LAMA2: variants seen among roughly 807,000 people sequenced by gnomAD.
LAMA2 encodes laminin subunit alpha-2.
Under a neutral mutation model 364.8 loss-of-function variants are expected in LAMA2, and 269 were observed. That is an observed-to-expected ratio of 0.74 (90% CI 0.67 to 0.82). The LOEUF (loss-of-function observed/expected upper bound fraction) is 0.82. Ranked by LOEUF, LAMA2 falls within the 40% of genes least tolerant of loss-of-function variation. The probability of loss-of-function intolerance (pLI) is 0.00; values close to 1 mark genes in which losing one functional copy is unlikely to be tolerated. For synonymous variants in LAMA2, 1,379 were observed against 1,370.6 expected (o/e 1.01, Z -0.14); for missense variants, 3,807 against 3,873.2 (o/e 0.98, Z 0.45).
At chr6:129,438,784 A>C in intron 42 of LAMA2, 22 bp downstream of exon 42, 1 of 1,189,478 alleles carries the variant, frequency 8.4e-7, no homozygotes, top group Non-Finnish European at 1.3e-6. Context: ...GGACACTACC[A>C]ACTGTGTCAG....
At chr6:129,106,760 C>T (rs7754666) in intron 4 of LAMA2, among the ~76,000 whole-genome samples, 144,897 of 151,386 alleles carry the variant, frequency 0.96, 69,665 homozygotes, top group East Asian at 1. Flanking sequence ...TTTATTGTTA[C>T]ATTTTAAAAA....
intron 3 of LAMA2, among the ~76,000 whole-genome samples, chr6:129,081,276 G>A (rs1229392523): frequency 6.6e-6 from 1 of 151,982 alleles, no homozygotes; most frequent in East Asian, 1.9e-4. Flanking sequence ...ATAGCATTAG[G>A]AGATACACCT....
chr6:128,964,278 G>T (rs1223509208), intron 1 of LAMA2, among the ~76,000 whole-genome samples: 2 of 152,052 alleles, frequency 1.3e-5, no homozygotes, highest in African/African-American at 2.4e-5. Context: ...TGAACTGGCT[G>T]TATTTTCCGA....
intron 22 of LAMA2, among the ~76,000 whole-genome samples, chr6:129,304,914 C>A (rs1397020583): frequency 6.6e-6 from 1 of 152,122 alleles, no homozygotes; most frequent in African/African-American, 2.4e-5. Context: ...TTTATTATAA[C>A]ATGTGCACTT....
chr6:129,168,526 C>G (rs1779911778), intron 9 of LAMA2, among the ~76,000 whole-genome samples: 2 of 151,608 alleles, frequency 1.3e-5, no homozygotes, highest in South Asian at 2.1e-4. Flanking sequence ...TGATCTATAT[C>G]TCTGTTTTGG....
rs147198798 is a variant in LAMA2 at position 129,282,682 on chromosome 6, A to G, written c.2537+2535A>G. ...TAATTACCTTTCCTTTCAGGTCTAGAAAGTCTCTCAACTACTTTCATTCCA... is the reference window on the plus strand; with the variant it reads ...TAATTACCTTTCCTTTCAGGTCTAGGAAGTCTCTCAACTACTTTCATTCCA... On this transcript the variant is annotated intron_variant, in intron 18 of 64. Transcript: ENST00000421865. 7.9e-5 allele frequency among the ~76,000 whole-genome samples: 12 copies of G among 152,270 alleles called. No homozygotes were observed. The East Asian group carries it at 2.3e-3, about 29-fold the overall frequency.
At chr6:129,393,321 AT>A in intron 37 of LAMA2, 66 bp downstream of exon 37, 1 of 1,170,706 alleles carries the variant, frequency 8.5e-7, no homozygotes, top group South Asian at 1.2e-5. Context: ...AGTGTTGAAC[AT>A]GGCTGGACTA....
At chr6:129,004,265 A>T (rs1296189798) in intron 1 of LAMA2, among the ~76,000 whole-genome samples, 1 of 47,972 alleles carries the variant, frequency 2.1e-5, no homozygotes, top group Non-Finnish European at 3.6e-5. Context: ...GGGTCGGGGG[A>T]GGGGGGAGGG....
chr6:129,287,470 A>G (rs925400812), intron 18 of LAMA2, among the ~76,000 whole-genome samples: 8 of 152,292 alleles, frequency 5.3e-5, no homozygotes, highest in Admixed American at 2.0e-4. Context: ...TGAACCTTAC[A>G]TATTTGTAGA....
chr6:129,106,753 A>G (rs1440685665), intron 4 of LAMA2, among the ~76,000 whole-genome samples: 1 of 151,624 alleles, frequency 6.6e-6, no homozygotes, highest in Non-Finnish European at 1.5e-5. Context: ...AAGGTAATTT[A>G]TTGTTACATT....
chr6:129,476,122 A>G (rs990334960), intron 53 of LAMA2, among the ~76,000 whole-genome samples: 2 of 152,188 alleles, frequency 1.3e-5, no homozygotes, highest in African/African-American at 4.8e-5. Context: ...TGGCTGAACA[A>G]ACCTCAGAGA....
rs111650529 is a variant in LAMA2 at position 129,141,349 on chromosome 6, G to A, written c.640-2552G>A. On this transcript the variant is annotated intron_variant, in intron 4 of 64. Transcript: ENST00000421865. ...CTCACCTGCTAGGTGCCAGAAATGC[G>A]GATCTTGAGGAATATACAAGATCTG... 5.0e-3 allele frequency among the ~76,000 whole-genome samples: 761 copies of A among 151,970 alleles called. 6 individuals are homozygous for A. The highest frequency in any genetic ancestry group is 7.7e-3 in the African/African-American group (318 of 41,464).
intron 1 of LAMA2, among the ~76,000 whole-genome samples, chr6:128,967,634 A>G (rs11966151): frequency 0.22 from 33,190 of 152,090 alleles, 5,401 homozygotes; most frequent in African/African-American, 0.46. Flanking sequence ...CGGGATCTTT[A>G]CTAATCAGGA....
chr6:129,393,397 A>G (rs1230130843), intron 37 of LAMA2, 142 bp downstream of exon 37: 3 of 687,054 alleles, frequency 4.4e-6, no homozygotes, highest in South Asian at 3.3e-5. Flanking sequence ...TCTAAGAAAC[A>G]GAACAAGAAA....
chr6:129,031,788 C>G (rs1174688165), intron 1 of LAMA2, among the ~76,000 whole-genome samples: 1 of 151,700 alleles, frequency 6.6e-6, no homozygotes, highest in East Asian at 1.9e-4. Context: ...AACAGGCACA[C>G]AATTTATGTA....
intron 10 of LAMA2, among the ~76,000 whole-genome samples, chr6:129,189,065 T>C (rs1781388350): frequency 6.6e-6 from 1 of 152,050 alleles, no homozygotes; most frequent in East Asian, 1.9e-4. Context: ...CCAGGAACCA[T>C]GTTATTTTCT....
chr6:129,006,824 T>G (rs1784467659), intron 1 of LAMA2, among the ~76,000 whole-genome samples: 1 of 152,184 alleles, frequency 6.6e-6, no homozygotes, highest in African/African-American at 2.4e-5. Context: ...CTCTTCTCAC[T>G]GACATTTTAT....
intron 4 of LAMA2, among the ~76,000 whole-genome samples, chr6:129,136,182 C>T (rs1777782134): frequency 6.6e-6 from 1 of 152,050 alleles, no homozygotes; most frequent in South Asian, 2.1e-4. Flanking sequence ...CTGTGGATTA[C>T]AGGTCACCCA....
intron 30 of LAMA2, among the ~76,000 whole-genome samples, 162 bp downstream of exon 30, chr6:129,342,629 T>C (rs1456587860): frequency 6.6e-6 from 1 of 152,180 alleles, no homozygotes; most frequent in Non-Finnish European, 1.5e-5. Flanking sequence ...GAGTATATAA[T>C]GCTCTATGGT....
Sources: gnomAD v4.1 joint callset for allele counts (sites outside exome capture counted in the v4.1 genomes callset) on GRCh38, gnomAD v4.1.1 for gene constraint, MANE v1.5 for transcripts, NCBI Gene and HGNC (gene_info 2026-07-23, HGNC 2026-07-21) for gene names.